The following PLA2G4F variants were observed in gnomAD, a reference collection of about 807,000 sequenced individuals.
The protein encoded by PLA2G4F is cytosolic phospholipase A2 zeta.
PLA2G4F carries 105 observed loss-of-function variants against 103.1 expected under a neutral mutation model. The observed-to-expected ratio is 1.02, with a 90% CI of 0.87 to 1.20. The LOEUF (loss-of-function observed/expected upper bound fraction) is 1.20, where lower values mean the gene tolerates loss of function less well. Among genes scored for constraint, PLA2G4F ranks in the 50% most tolerant of loss-of-function variants. The probability of loss-of-function intolerance (pLI) is 0.00; values close to 1 mark genes in which losing one functional copy is unlikely to be tolerated. For missense variants in PLA2G4F, 1,155 were observed against 1,075.9 expected (o/e 1.07, Z -1.03); for synonymous variants, 468 against 441.1 (o/e 1.06, Z -0.76).
Position 42,144,473 on chromosome 15 carries a change from C to T in PLA2G4F, c.1952G>A (p.Gly651Asp). 1 of 1,612,210 alleles carries T rather than the reference C, an allele frequency of 6.2e-7. No individual in the cohort carries two copies. The highest frequency in any genetic ancestry group is 1.3e-5 in the African/African-American group (1 of 74,978). The change falls in exon 17 of 20, where the codon GGC becomes GAC. Residue 651 changes from glycine (G) to aspartate (D), a missense_variant. Transcript: ENST00000397272. ...GLCLHKDYVA[G>D]REFVAWKDTH... The stretch of plus-strand genomic sequence containing the variant: ...ACCTTTCCAGGCCACGAACTCCCTG[C>T]CAGCCACATAGTCCTTGTGCAAGCA...
chr15:42,150,790 G>C lies in PLA2G4F; in HGVS notation c.602-13C>G. The C allele has an allele frequency of 1.2e-6, 2 of 1,602,290 alleles. No homozygotes were observed. Among genetic ancestry groups the C allele is most frequent in the Non-Finnish European group, 8.5e-7 (1 of 1,176,028 alleles). On this transcript the variant is annotated splice_polypyrimidine_tract_variant and intron_variant, in intron 7 of 19. Coordinates refer to ENST00000397272, the MANE Select transcript of PLA2G4F (RefSeq NM_213600.4). Reference sequence around the variant, plus strand: ...AGCTGCCTAGAGCCTGAGAGCAGAGGGCCCAGGTGGGTGCGCAGGTGAGGG... The same window carrying C: ...AGCTGCCTAGAGCCTGAGAGCAGAGCGCCCAGGTGGGTGCGCAGGTGAGGG...
chr15:42,152,148 G>A (rs1279322605), intron 7 of PLA2G4F, among the ~76,000 whole-genome samples: 2 of 152,182 alleles, frequency 1.3e-5, no homozygotes, highest in Middle Eastern at 3.2e-3. Context: ...ATTCTGCCAT[G>A]TGACTTCAGC....
chr15:42,149,994 TC>T, intron 10 of PLA2G4F, 109 bp downstream of exon 10: 1 of 1,553,650 alleles, frequency 6.4e-7, no homozygotes, highest in Admixed American at 1.7e-5. Context: ...AAAAATGTCA[TC>T]CCCACCCCAC....
chr15:42,146,583 G>A (rs553171769), intron 13 of PLA2G4F: 11 of 261,004 alleles, frequency 4.2e-5, no homozygotes, highest in Admixed American at 1.4e-4. Flanking sequence ...ACTAGAAAAC[G>A]TGGATTATTT....
chr15:42,143,048 G>C (rs2048841515), intron 18 of PLA2G4F, among the ~76,000 whole-genome samples: 1 of 151,786 alleles, frequency 6.6e-6, no homozygotes, highest in Non-Finnish European at 1.5e-5. Flanking sequence ...GCATGGTGGT[G>C]TGTGCCTATA....
At position 42,149,866 on chromosome 15, in the gene PLA2G4F, G is replaced by T. The variant is rs778104110; in HGVS notation, c.924-18C>A. On this transcript the variant is annotated intron_variant, in intron 10 of 19. Coordinates refer to ENST00000397272, the MANE Select transcript of PLA2G4F (RefSeq NM_213600.4). Reference sequence around the variant, plus strand: ...CCCCGGAGCTGCCTCAAGTAGGGTGGGGTGGCGGTGGGGGGTTCTGGGTGA... The same window carrying T: ...CCCCGGAGCTGCCTCAAGTAGGGTGTGGTGGCGGTGGGGGGTTCTGGGTGA... The T allele has an allele frequency of 2.2e-5, 36 of 1,613,122 alleles. No individual in the cohort carries two copies. The highest frequency in any genetic ancestry group is 2.9e-5 in the Non-Finnish European group (34 of 1,179,132).
chr15:42,143,831 A>G, intron 18 of PLA2G4F, 147 bp downstream of exon 18: 1 of 1,046,924 alleles, frequency 9.6e-7, no homozygotes, highest in Non-Finnish European at 1.4e-6. Flanking sequence ...CCTCACACAC[A>G]GAGTGGAACC....
At chr15:42,143,703 G>A (rs570832220) in intron 18 of PLA2G4F, among the ~76,000 whole-genome samples, 4 of 152,332 alleles carry the variant, frequency 2.6e-5, no homozygotes, top group Admixed American at 6.5e-5. Context: ...TTCTATGGAT[G>A]AGGCTAGAAG....
Position 42,141,815 on chromosome 15 carries a change from C to T in PLA2G4F, c.*169G>A. On this transcript the variant is annotated 3_prime_UTR_variant, in exon 20 of 20. Transcript: ENST00000397272. ...CACACAAGGAGAGCCCTGCCCCAGT[C>T]CAAGCTGCAATTCTGCAAGAGCTTT... 1.5e-6 allele frequency: 1 copy of T among 675,456 alleles called. No individual in the cohort carries two copies. The highest frequency in any genetic ancestry group is 2.7e-5 in the East Asian group (1 of 36,774). The allele number at this position is 675,456 out of a possible 1,614,324, so 41.8% of individuals were successfully genotyped here.
chr15:42,150,739 C>T lies in PLA2G4F; in HGVS notation c.640G>A (p.Glu214Lys), dbSNP rs1036620670. The change falls in exon 8 of 20, where the codon GAG becomes AAG. Residue 214 changes from glutamate to lysine, a missense_variant. Transcript: ENST00000397272. Reference sequence around the variant, plus strand: ...TGCAGGGGCAAGAGCTGTGGCTTCTCGTAGGCTCCAGGCACTGCCAGCTGG... The same window carrying T: ...TGCAGGGGCAAGAGCTGTGGCTTCTTGTAGGCTCCAGGCACTGCCAGCTGG... ...QLQLAVPGAY[E>K]KPQLLPLQPP... The T allele has an allele frequency of 1.4e-5, 23 of 1,611,060 alleles. No individual in the cohort carries two copies. The highest frequency in any genetic ancestry group is 9.3e-5 in the African/African-American group (7 of 75,024).
intron 4 of PLA2G4F, 73 bp downstream of exon 4, chr15:42,154,019 C>A: frequency 6.2e-7 from 1 of 1,600,616 alleles, no homozygotes. Flanking sequence ...CCGACCAGAG[C>A]CCCCTCTTTG....
At chr15:42,142,766 C>T (rs756333352) in intron 18 of PLA2G4F, 52 bp from the exon 19 acceptor site, 16 of 1,590,656 alleles carry the variant, frequency 1.0e-5, no homozygotes, top group Admixed American at 3.4e-5. Context: ...TGGCCACTCC[C>T]GCCGCCCTGG....
In PLA2G4F at chr15:42,142,538, G is replaced by C; in HGVS notation, c.2319C>G (p.His773Gln). The change falls in exon 19 of 20, where the codon CAC becomes CAG. Residue 773 changes from histidine (H) to glutamine (Q), a missense_variant. His to Gln is a conservative substitution (Grantham distance 24, BLOSUM62 0). Around this residue, in one of 3 missense-constraint regions of PLA2G4F, gnomAD observed 782 missense variants for 692.9 expected, o/e 1.13. Transcript: ENST00000397272. The part of the protein sequence containing the change: ...FPLVNRTFRT[H>Q]LAPGVERQTA... ...TGGAGCTTCCCTTACCTGGGGCCAG[G>C]TGTGTGCGGAAGGTACGGTTAACCA... 1 of 1,613,422 alleles carries C rather than the reference G, an allele frequency of 6.2e-7. No individual in the cohort carries two copies. The highest frequency in any genetic ancestry group is 8.5e-7 in the Non-Finnish European group (1 of 1,179,624).
At chr15:42,147,846 T>C in intron 11 of PLA2G4F, 84 bp from the exon 12 acceptor site, 2 of 1,548,776 alleles carry the variant, frequency 1.3e-6, no homozygotes, top group East Asian at 2.3e-5. Flanking sequence ...GACATTATTC[T>C]AAGAGTCTTA....
intron 19 of PLA2G4F, 30 bp downstream of exon 19, chr15:42,142,498 G>A (rs926920237): frequency 9.4e-6 from 15 of 1,588,260 alleles, no homozygotes; most frequent in African/African-American, 1.4e-5. Flanking sequence ...GGGCTCTGTG[G>A]GTCAGTCCCA....
rs1444651216 is a variant in PLA2G4F at position 42,149,748 on chromosome 15, C to T, written c.1024G>A (p.Val342Met). The change falls in exon 11 of 20, where the codon GTG (valine) becomes ATG (methionine). Residue 342 changes from valine to methionine, a missense_variant. Coordinates refer to ENST00000397272, the MANE Select transcript of PLA2G4F (RefSeq NM_213600.4). Reference protein sequence around the residue: ...KQVVSKALQQVLGLSEALDSG... With the variant: ...KQVVSKALQQMLGLSEALDSG... ...TCCAGAGCCTCACTCAATCCCAGCA[C>T]TTGCTGCAGGGCCTTGGACACGACC... is the stretch of plus-strand genomic sequence containing the variant. 3 of 1,614,244 alleles carry T rather than the reference C, an allele frequency of 1.9e-6. No homozygotes were observed. The highest frequency in any genetic ancestry group is 2.5e-6 in the Non-Finnish European group (3 of 1,180,040).
At chr15:42,147,003 A>G in intron 13 of PLA2G4F, 121 bp downstream of exon 13, 1 of 980,800 alleles carries the variant, frequency 1.0e-6, no homozygotes, top group Non-Finnish European at 1.5e-6. Flanking sequence ...GCCCCAGGGG[A>G]GCCGAGAGCT....
chr15:42,151,582 A>G lies in PLA2G4F; in HGVS notation c.602-805T>C, dbSNP rs1486533384. On this transcript the variant is annotated intron_variant, in intron 7 of 19. Coordinates refer to ENST00000397272, the MANE Select transcript of PLA2G4F (RefSeq NM_213600.4). Reference sequence around the variant, plus strand: ...AGGACAGCAGACACTGAGGGATGAGAGGTCCAGAGGAGTCCCTGCCCTACA... The same window carrying G: ...AGGACAGCAGACACTGAGGGATGAGGGGTCCAGAGGAGTCCCTGCCCTACA... The G allele has an allele frequency of 7.1e-6, 7 of 985,240 alleles. No individual in the cohort carries two copies. The African/African-American group carries it at 1.2e-4, about 17-fold the overall frequency. 61.0% of individuals were successfully genotyped at this position (985,240 alleles called of 1,614,324 possible). A position where few individuals can be genotyped will look rare whatever the true frequency, so the allele number is the denominator to read the frequency against.
Position 42,147,117 on chromosome 15 carries a change from C to T in PLA2G4F, c.1419+7G>A, listed in dbSNP as rs768279305. 1 of 1,610,838 alleles carries T rather than the reference C, an allele frequency of 6.2e-7. No homozygotes were observed. Among genetic ancestry groups the T allele is most frequent in the South Asian group, 1.1e-5 (1 of 91,020 alleles). On this transcript the variant is annotated splice_region_variant and intron_variant, in intron 13 of 19. Coordinates refer to ENST00000397272, the MANE Select transcript of PLA2G4F (RefSeq NM_213600.4). The stretch of plus-strand genomic sequence containing the variant: ...GCCTACGTATTTCCTTCTGGCTCTT[C>T]TCTCACCTCCTGGTACAGGAGATAC...
Sources: gnomAD v4.1 joint callset for allele counts (sites outside exome capture counted in the v4.1 genomes callset) on GRCh38, gnomAD v4.1.1 for gene constraint, gnomAD v4.1.1 regional missense constraint, MANE v1.5 for transcripts, NCBI Gene and HGNC (gene_info 2026-07-23, HGNC 2026-07-21) for gene names.